The following ADGRB3 variants were observed in gnomAD, a reference collection of about 807,000 sequenced individuals.
ADGRB3 encodes the protein brain-specific angiogenesis inhibitor 3.
In ADGRB3, 37 loss-of-function variants were observed where a neutral mutation model predicts 193.4. The observed-to-expected ratio is 0.19, with a 90% CI of 0.15 to 0.25. ADGRB3 has a LOEUF of 0.25. Ranked by LOEUF, ADGRB3 falls within the 10% of genes least tolerant of loss-of-function variation. The probability of loss-of-function intolerance (pLI) is 1.00; values close to 1 mark genes in which losing one functional copy is unlikely to be tolerated. For missense variants in ADGRB3, 1,637 were observed against 1,852.9 expected (o/e 0.88, Z 2.14); for synonymous variants, 690 against 644.2 (o/e 1.07, Z -1.08).
At chr6:69,268,975 T>C (rs1767111738) in intron 20 of ADGRB3, among the ~76,000 whole-genome samples, 1 of 152,162 alleles carries the variant, frequency 6.6e-6, no homozygotes. Context: ...CTTCTACTCT[T>C]TATAATAATC....
At chr6:69,194,660 A>G (rs1466116613) in intron 17 of ADGRB3, among the ~76,000 whole-genome samples, 4 of 152,116 alleles carry the variant, frequency 2.6e-5, no homozygotes, top group East Asian at 3.9e-4. Context: ...TAACCTCTTA[A>G]TCTTACTTAA....
rs1766080466 is a variant in ADGRB3 at position 69,229,059 on chromosome 6, A to C, written c.2481-4231A>C. 2.6e-5 allele frequency among the ~76,000 whole-genome samples: 4 copies of C among 152,322 alleles called. No homozygotes were observed. In the South Asian group the frequency reaches 8.3e-4, roughly 32 times the overall value. On this transcript the variant is annotated intron_variant, in intron 17 of 31. Transcript: ENST00000370598. The stretch of plus-strand genomic sequence containing the variant: ...TTTTAATGTACATTCAGTGTTGAAA[A>C]TCAATGGGCTAGATGATCACTAAAG...
intron 17 of ADGRB3, among the ~76,000 whole-genome samples, chr6:69,114,262 A>C (rs1773457996): frequency 6.6e-6 from 1 of 152,072 alleles, no homozygotes; most frequent in African/African-American, 2.4e-5. Context: ...CAAGACAAAG[A>C]TTTTTCTTTT....
At chr6:69,327,344 G>T (rs1028757582) in intron 21 of ADGRB3, among the ~76,000 whole-genome samples, 1 of 152,138 alleles carries the variant, frequency 6.6e-6, no homozygotes, top group African/African-American at 2.4e-5. Context: ...TATAAAGAAA[G>T]TGTTAACTCA....
intron 3 of ADGRB3, among the ~76,000 whole-genome samples, chr6:68,921,643 A>G (rs1767046905): frequency 6.6e-6 from 1 of 152,120 alleles, no homozygotes; most frequent in Admixed American, 6.5e-5. Flanking sequence ...ATGTCTAGCA[A>G]TAGGGAAATA....
chr6:68,681,628 T>G (rs1333944375), intron 3 of ADGRB3, among the ~76,000 whole-genome samples: 1 of 152,160 alleles, frequency 6.6e-6, no homozygotes, highest in African/African-American at 2.4e-5. Flanking sequence ...AATATTTATA[T>G]TCTCTTTCTT....
chr6:68,674,942 G>A (rs1006091518), intron 3 of ADGRB3, among the ~76,000 whole-genome samples: 2 of 152,186 alleles, frequency 1.3e-5, no homozygotes, highest in African/African-American at 4.8e-5. Flanking sequence ...ATAGGGTGTG[G>A]ATCAGTGTAA....
intron 17 of ADGRB3, among the ~76,000 whole-genome samples, chr6:69,136,177 T>G (rs1774144081): frequency 6.6e-6 from 1 of 152,056 alleles, no homozygotes; most frequent in African/African-American, 2.4e-5. Context: ...CTCAAATATA[T>G]GTATGTAGTT....
At chr6:69,177,899 A>C (rs1197340366) in intron 17 of ADGRB3, among the ~76,000 whole-genome samples, 1 of 152,176 alleles carries the variant, frequency 6.6e-6, no homozygotes, top group African/African-American at 2.4e-5. Flanking sequence ...CAGATGAGGA[A>C]AATGTATATT....
At chr6:68,934,749 T>C (rs1242470980) in intron 4 of ADGRB3, among the ~76,000 whole-genome samples, 1 of 152,216 alleles carries the variant, frequency 6.6e-6, no homozygotes, top group Non-Finnish European at 1.5e-5. Flanking sequence ...ATTATCCTTC[T>C]ATTTGGTTTA....
At chr6:69,073,416 C>T (rs1482323) in intron 16 of ADGRB3, among the ~76,000 whole-genome samples, 74,627 of 151,700 alleles carry the variant, frequency 0.49, 20,566 homozygotes, top group East Asian at 0.96. Flanking sequence ...AGCTAAGAGC[C>T]GGGTTCTTGT....
intron 17 of ADGRB3, among the ~76,000 whole-genome samples, chr6:69,143,414 T>C (rs1483824195): frequency 6.6e-6 from 1 of 152,206 alleles, no homozygotes; most frequent in Non-Finnish European, 1.5e-5. Flanking sequence ...ATGTTTACTT[T>C]GGCTGCTTGT....
intron 13 of ADGRB3, among the ~76,000 whole-genome samples, chr6:69,028,958 C>G (rs1426175496): frequency 6.6e-6 from 1 of 152,192 alleles, no homozygotes; most frequent in Non-Finnish European, 1.5e-5. Flanking sequence ...ATACTATTTA[C>G]TCCTCACAAC....
chr6:68,756,102 T>A (rs1281038785), intron 3 of ADGRB3, among the ~76,000 whole-genome samples: 2 of 152,160 alleles, frequency 1.3e-5, no homozygotes. Context: ...ATGTTTCTGC[T>A]TCCTTCACCT....
intron 3 of ADGRB3, among the ~76,000 whole-genome samples, chr6:68,857,241 G>A (rs1272182430): frequency 6.6e-6 from 1 of 152,228 alleles, no homozygotes; most frequent in African/African-American, 2.4e-5. Context: ...CTGCCTAGTG[G>A]AGCTGTGAGA....
At chr6:68,886,744 C>T (rs901069936) in intron 3 of ADGRB3, among the ~76,000 whole-genome samples, 1 of 151,934 alleles carries the variant, frequency 6.6e-6, no homozygotes, top group African/African-American at 2.4e-5. Flanking sequence ...ACCACATATC[C>T]TCTCAGCTTA....
intron 29 of ADGRB3, among the ~76,000 whole-genome samples, chr6:69,368,658 C>G (rs1769637982): frequency 6.6e-6 from 1 of 151,842 alleles, no homozygotes; most frequent in African/African-American, 2.4e-5. Flanking sequence ...TATGAGAGAG[C>G]CAACAAAGGG....
chr6:69,251,745 A>G (rs1297812793), intron 20 of ADGRB3, among the ~76,000 whole-genome samples: 2 of 152,190 alleles, frequency 1.3e-5, no homozygotes, highest in Non-Finnish European at 2.9e-5. Context: ...TAACATATCC[A>G]TTACCTGACA....
chr6:69,155,367 A>G (rs979721867), intron 17 of ADGRB3, among the ~76,000 whole-genome samples: 1 of 152,236 alleles, frequency 6.6e-6, no homozygotes, highest in African/African-American at 2.4e-5. Flanking sequence ...GCTTGTTTTC[A>G]TCTGACAAAC....
Sources: allele counts gnomAD v4.1 joint callset (sites outside exome capture counted in the v4.1 genomes callset), GRCh38; gene constraint gnomAD v4.1.1; transcripts MANE v1.5; gene names NCBI Gene and HGNC (gene_info 2026-07-23, HGNC 2026-07-21).